Variants in PRKAR1B observed in about 807,000 individuals in gnomAD.
PRKAR1B encodes the protein protein kinase cAMP-dependent type I regulatory subunit beta, also known as cAMP-dependent protein kinase type I-beta regulatory subunit.
A neutral mutation model predicts 46.5 loss-of-function variants in PRKAR1B; 22 were observed. The observed-to-expected ratio is 0.47, with a 90% CI of 0.34 to 0.68. PRKAR1B has a LOEUF of 0.68. PRKAR1B is among the 30% of genes least tolerant of loss of function. PRKAR1B has a pLI of 0.01. For missense variants in PRKAR1B, 445 were observed against 535.6 expected (o/e 0.83, Z 1.67); for synonymous variants, 259 against 217.7 (o/e 1.19, Z -1.67).
intron 4 of PRKAR1B, among the ~76,000 whole-genome samples, chr7:612,340 T>G (rs1356087184): frequency 5.0e-5 from 4 of 80,738 alleles, no homozygotes; most frequent in African/African-American, 5.4e-5. Context: ...TTGAGTAGAT[T>G]AATGGATGGA....
chr7:680,259 G>A (rs987459303), intron 3 of PRKAR1B, among the ~76,000 whole-genome samples: 1 of 152,042 alleles, frequency 6.6e-6, no homozygotes, highest in Non-Finnish European at 1.5e-5. Context: ...GGACCTGGAT[G>A]CCAGCGAGTC....
chr7:709,864 A>T (rs1346468158), intron 2 of PRKAR1B, among the ~76,000 whole-genome samples: 1 of 152,154 alleles, frequency 6.6e-6, no homozygotes, highest in Admixed American at 6.5e-5. Flanking sequence ...GACAAGGTCG[A>T]ATTCCTGACC....
At position 583,446 on chromosome 7, in the gene PRKAR1B, C is replaced by CCCA. The variant is rs1491586654; in HGVS notation, c.769+1061_769+1062insTGG. 4.7e-3 allele frequency among the ~76,000 whole-genome samples: 622 copies of CCCA among 132,888 alleles called. 12 individuals are homozygous for CCCA. Among genetic ancestry groups the CCCA allele is most frequent in the African/African-American group, 0.018 (583 of 32,014 alleles). The allele number at this position is 132,888 out of a possible 152,430, so 87.2% of individuals were successfully genotyped here. ...CACACGCACACACCCACAGTGCACACTCACACCCACTCACACACGTGCACT... is the reference window on the plus strand; with the variant it reads ...CACACGCACACACCCACAGTGCACACCCATCACACCCACTCACACACGTGCACT... On this transcript the variant is annotated intron_variant, in intron 8 of 10. Coordinates refer to ENST00000537384, the MANE Select transcript of PRKAR1B (RefSeq NM_001164760.2).
chr7:675,996 A>G (rs1265073009), intron 4 of PRKAR1B, among the ~76,000 whole-genome samples: 2 of 151,460 alleles, frequency 1.3e-5, no homozygotes, highest in Non-Finnish European at 2.9e-5. Context: ...CGCAGTAGGA[A>G]AACAGCTAAT....
intron 4 of PRKAR1B, among the ~76,000 whole-genome samples, chr7:638,736 GATCT>G (rs1784250191): frequency 6.6e-6 from 1 of 152,152 alleles, no homozygotes; most frequent in African/African-American, 2.4e-5. Context: ...ACACCAAACT[GATCT>G]ATCAATTCAA....
At chr7:674,263 C>A (rs1786456176) in intron 4 of PRKAR1B, among the ~76,000 whole-genome samples, 1 of 151,228 alleles carries the variant, frequency 6.6e-6, no homozygotes, top group African/African-American at 2.4e-5. Context: ...ATTCCAGCCA[C>A]ACCCAGCTAC....
At chr7:664,543 A>G (rs1443213061) in intron 4 of PRKAR1B, among the ~76,000 whole-genome samples, 1 of 152,126 alleles carries the variant, frequency 6.6e-6, no homozygotes, top group Non-Finnish European at 1.5e-5. Flanking sequence ...TGACAACAAA[A>G]CGTGAACTGG....
intron 2 of PRKAR1B, chr7:691,793 C>T (rs1779443017): frequency 5.9e-6 from 7 of 1,190,912 alleles, no homozygotes; most frequent in South Asian, 3.1e-5. Context: ...TCACCTCCTG[C>T]GGAGGACGGC....
At chr7:641,988 A>T (rs1250730130) in intron 4 of PRKAR1B, among the ~76,000 whole-genome samples, 1 of 151,994 alleles carries the variant, frequency 6.6e-6, no homozygotes, top group African/African-American at 2.4e-5. Context: ...CTGCAGCCTC[A>T]ACCTCCCGGG....
intron 8 of PRKAR1B, among the ~76,000 whole-genome samples, chr7:581,876 C>A (rs1014112535): frequency 6.6e-6 from 1 of 152,050 alleles, no homozygotes. Flanking sequence ...CCACCACACC[C>A]GGCTAACTTT....
At chr7:584,212 C>T (rs1008370348) in intron 8 of PRKAR1B, among the ~76,000 whole-genome samples, 1 of 152,178 alleles carries the variant, frequency 6.6e-6, no homozygotes, top group Non-Finnish European at 1.5e-5. Context: ...GGGGGCGCGG[C>T]TCTGACAGCA....
chr7:692,428 C>CAGAG (rs138479588), intron 2 of PRKAR1B, among the ~76,000 whole-genome samples: 1 of 148,548 alleles, frequency 6.7e-6, no homozygotes, highest in Non-Finnish European at 1.5e-5. Flanking sequence ...GACAGAGAGA[C>CAGAG]AGAGAGAGAG....
intron 4 of PRKAR1B, among the ~76,000 whole-genome samples, chr7:635,944 A>ATCCTCCACCAGCCGCGCCCACACG (rs1784032353): frequency 3.7e-5 from 4 of 109,236 alleles, no homozygotes; most frequent in African/African-American, 6.3e-5. Flanking sequence ...GCGCCCACAC[A>ATCCTCCACCAGCCGCGCCCACACG]TCCTCCACCG....
At chr7:695,680 T>TTC (rs201337828) in intron 2 of PRKAR1B, among the ~76,000 whole-genome samples, 5,024 of 152,092 alleles carry the variant, frequency 0.033, 320 homozygotes, top group African/African-American at 0.11. Context: ...TGTTTTTTTT[T>TTC]TGAGACGGAG....
intron 4 of PRKAR1B, among the ~76,000 whole-genome samples, chr7:616,614 G>A (rs889321754): frequency 6.6e-5 from 10 of 152,164 alleles, no homozygotes; most frequent in African/African-American, 1.2e-4. Context: ...GCTCCTCACC[G>A]GCCACCAGAC....
chr7:721,654 A>G (rs1283885731), intron 1 of PRKAR1B, among the ~76,000 whole-genome samples: 1 of 152,178 alleles, frequency 6.6e-6, no homozygotes, highest in African/African-American at 2.4e-5. Context: ...GTCTCAAAAA[A>G]AAAAAAAATT....
At chr7:679,792 TTGGGAGGTGGC>T (rs1182988587) in intron 3 of PRKAR1B, among the ~76,000 whole-genome samples, 3 of 152,004 alleles carry the variant, frequency 2.0e-5, no homozygotes, top group Non-Finnish European at 4.4e-5. Context: ...AGAGAGGCCT[TTGGGAGGTGGC>T]TGGGGTTGGA....
intron 4 of PRKAR1B, among the ~76,000 whole-genome samples, chr7:652,838 C>G (rs1784982623): frequency 6.6e-6 from 1 of 152,220 alleles, no homozygotes; most frequent in South Asian, 2.1e-4. Context: ...CCACCTCAAA[C>G]AGAGTGCCTT....
chr7:709,790 C>T (rs887057012), intron 2 of PRKAR1B, among the ~76,000 whole-genome samples: 1 of 152,128 alleles, frequency 6.6e-6, no homozygotes, highest in African/African-American at 2.4e-5. Flanking sequence ...ACCTCAGCCC[C>T]TGGGTAGCTG....
Sources: allele counts gnomAD v4.1 joint callset (sites outside exome capture counted in the v4.1 genomes callset), GRCh38; gene constraint gnomAD v4.1.1; transcripts MANE v1.5; gene names NCBI Gene and HGNC (gene_info 2026-07-23, HGNC 2026-07-21).